Variants in JAG1 observed in about 807,000 individuals in gnomAD.
JAG1 encodes the protein protein jagged-1.
Under a neutral mutation model 148.7 loss-of-function variants are expected in JAG1, and 23 were observed. The observed-to-expected ratio is 0.15, with a 90% CI of 0.11 to 0.22. The LOEUF (loss-of-function observed/expected upper bound fraction) is 0.22, where lower values mean the gene tolerates loss of function less well. Ranked by LOEUF, JAG1 falls within the 10% of genes least tolerant of loss-of-function variation. The pLI, the probability that JAG1 is intolerant of heterozygous loss-of-function variation, is 1.00. For synonymous variants in JAG1, 572 were observed against 598.3 expected (o/e 0.96, Z 0.64); for missense variants, 1,054 against 1,611.2 (o/e 0.65, Z 5.92).
Position 10,639,829 on chromosome 20 carries a change from T to G in JAG1, c.3326A>C (p.Asp1109Ala). Residue 1109 changes from aspartate to alanine, a missense_variant, in exon 26 of 26, where the codon GAC becomes GCC. Around this residue, in one of 6 missense-constraint regions of JAG1, gnomAD observed 177 missense variants for 177.3 expected, o/e 1.00. Coordinates refer to ENST00000254958, the MANE Select transcript of JAG1 (RefSeq NM_000214.3). ...PGSHTHSASE[D>A]NTTNNVREQL... Reference sequence around the variant, plus strand: ...CTCCCGCACGTTGTTGGTGGTGTTGTCCTCAGAGGCTGAGTGTGTGTGGCT... The same window carrying G: ...CTCCCGCACGTTGTTGGTGGTGTTGGCCTCAGAGGCTGAGTGTGTGTGGCT... The G allele has an allele frequency of 6.2e-7, 1 of 1,614,204 alleles. No individual in the cohort carries two copies. The highest frequency in any genetic ancestry group is 8.5e-7 in the Non-Finnish European group (1 of 1,180,036).
intron 3 of JAG1, chr20:10,662,104 C>G (rs2067421165): frequency 6.6e-6 from 1 of 152,234 alleles, no homozygotes; most frequent in Admixed American, 6.5e-5. Context: ...GTGGAGAAAC[C>G]ATTTCCACCA....
chr20:10,659,473 T>C (rs2067400238), intron 3 of JAG1, among the ~76,000 whole-genome samples: 1 of 152,096 alleles, frequency 6.6e-6, no homozygotes, highest in Non-Finnish European at 1.5e-5. Context: ...CAATCATTTC[T>C]GGTTTTAGGG....
At chr20:10,646,435 G>A (rs1014751741) in intron 14 of JAG1, 3 of 373,418 alleles carry the variant, frequency 8.0e-6, no homozygotes, top group East Asian at 6.7e-5. Context: ...AATTGAACAC[G>A]ACCTCAGTCT....
chr20:10,664,602 G>C (rs1054675401), intron 2 of JAG1, among the ~76,000 whole-genome samples: 1 of 152,124 alleles, frequency 6.6e-6, no homozygotes, highest in Admixed American at 6.5e-5. Context: ...GAAACAGGAG[G>C]GGGTAGATGC....
rs753524030 is a variant in JAG1, at chr20:10,647,118, T to C, written c.1721-15A>G. ...GCTGTCAATCACTAGAAGATAGGCTTGGGATCAGATCACAGCCATGCACCC... is the reference window on the plus strand; with the variant it reads ...GCTGTCAATCACTAGAAGATAGGCTCGGGATCAGATCACAGCCATGCACCC... On this transcript the variant is annotated splice_polypyrimidine_tract_variant and intron_variant, in intron 13 of 25. Coordinates refer to ENST00000254958, the MANE Select transcript of JAG1 (RefSeq NM_000214.3). 3.1e-6 allele frequency: 5 copies of C among 1,614,058 alleles called. No individual in the cohort carries two copies. The highest frequency in any genetic ancestry group is 3.4e-6 in the Non-Finnish European group (4 of 1,179,990).
At position 10,647,145 on chromosome 20, in the gene JAG1, C is replaced by G. The variant is rs776351167; in HGVS notation, c.1721-42G>C. On this transcript the variant is annotated intron_variant, in intron 13 of 25. Coordinates refer to ENST00000254958, the MANE Select transcript of JAG1 (RefSeq NM_000214.3). ...GGATCAGATCACAGCCATGCACCCA[C>G]AGATGCGGCATTCCTAAGCCAAGGG... is the stretch of plus-strand genomic sequence containing the variant. 3.1e-6 allele frequency: 5 copies of G among 1,612,256 alleles called. No individual in the cohort carries two copies. The South Asian group carries it at 4.4e-5, about 14-fold the overall frequency.
intron 2 of JAG1, among the ~76,000 whole-genome samples, chr20:10,667,303 A>G (rs3790163): frequency 0.83 from 126,124 of 152,206 alleles, 52,325 homozygotes; most frequent in Middle Eastern, 0.91. Flanking sequence ...GTCGGCTCCC[A>G]GGGTTCGTCA....
At chr20:10,641,733 C>T (rs1568792200) in intron 22 of JAG1, 40 bp from the exon 23 acceptor site, 3 of 1,610,008 alleles carry the variant, frequency 1.9e-6, no homozygotes, top group Non-Finnish European at 2.6e-6. Flanking sequence ...CAGGCATGCT[C>T]ATCCCTGATT....
At position 10,643,843 on chromosome 20, in the gene JAG1, A is replaced by T. The variant is rs1308346607; in HGVS notation, c.2393T>A (p.Val798Glu). 39 of 1,614,018 alleles carry T rather than the reference A, an allele frequency of 2.4e-5. 1 individual carries two copies. Among genetic ancestry groups the T allele is most frequent in the Middle Eastern group, 1.6e-4 (1 of 6,084 alleles). ...GCACCGGTACCAGTTGTCTCCATCC[A>T]CACAGGTGCCGCTGTTGTAACTAAG... Reference protein sequence around the residue: ...PHPCYNSGTCVDGDNWYRCEC... With the variant: ...PHPCYNSGTCEDGDNWYRCEC... Residue 798 changes from valine (V) to glutamate (E), a missense_variant, in exon 20 of 26, where the codon GTG becomes GAG. Physicochemically the swap from Val to Glu is moderately radical, Grantham distance 121 (BLOSUM62 -2). Coordinates refer to ENST00000254958, the MANE Select transcript of JAG1 (RefSeq NM_000214.3).
intron 25 of JAG1, among the ~76,000 whole-genome samples, chr20:10,640,160 T>C (rs1176852727): frequency 6.6e-6 from 1 of 152,234 alleles, no homozygotes. Flanking sequence ...TAGACCTTGA[T>C]ACTCTTATCC....
At position 10,673,378 on chromosome 20, in the gene JAG1, G is replaced by A. The variant is rs1032816449; in HGVS notation, c.81+72C>T. The A allele has an allele frequency of 1.7e-6, 2 of 1,168,714 alleles. No homozygotes were observed. The highest frequency in any genetic ancestry group is 2.8e-5 in the East Asian group (1 of 35,902). The allele number at this position is 1,168,714 out of a possible 1,614,324, so 72.4% of individuals were successfully genotyped here. A position where few individuals can be genotyped will look rare whatever the true frequency, so the allele number is the denominator to read the frequency against. On this transcript the variant is annotated intron_variant, in intron 1 of 25. Coordinates refer to ENST00000254958, the MANE Select transcript of JAG1 (RefSeq NM_000214.3). The surrounding 1 kb of genome is among the most constrained non-coding windows in gnomAD (Gnocchi z 4.7). ...GAGGGCTGCCGAGCCTGCTCGCGGGGCTCAACCGCCCAGGGCGCCGCGAGG... is the reference window on the plus strand; with the variant it reads ...GAGGGCTGCCGAGCCTGCTCGCGGGACTCAACCGCCCAGGGCGCCGCGAGG...
rs1158155618 is a variant in JAG1, at chr20:10,673,986, C to G, written c.-456G>C. ...CCCGCCCGGCTCTCGGAGAAGGACC[C>G]GGAGAGCCCGTCTGGCAGCAGCGGC... On this transcript the variant is annotated 5_prime_UTR_variant, in exon 1 of 26. Transcript: ENST00000254958. This position sits in a 1 kb window ranked among gnomAD's most constrained non-coding sequence, Gnocchi z 4.7. 3.9e-5 allele frequency: 6 copies of G among 152,222 alleles called. No individual in the cohort carries two copies. Among genetic ancestry groups the G allele is most frequent in the East Asian group, 1.9e-4 (1 of 5,152 alleles). The allele number at this position is 152,222 out of a possible 1,614,324, so 9.4% of individuals were successfully genotyped here.
intron 5 of JAG1, among the ~76,000 whole-genome samples, chr20:10,655,514 C>T (rs914433150): frequency 6.6e-6 from 1 of 152,084 alleles, no homozygotes; most frequent in Non-Finnish European, 1.5e-5. Flanking sequence ...TCAGGACCTG[C>T]GTTTTAATAA....
At position 10,645,746 on chromosome 20, in the gene JAG1, T is replaced by G. The variant is rs2067304482; in HGVS notation, c.1999+225A>C. On this transcript the variant is annotated intron_variant, in intron 15 of 25. Transcript: ENST00000254958. This position sits in a 1 kb window ranked among gnomAD's most constrained non-coding sequence, Gnocchi z 6.1. ...CTTTCCTTGCAAGCAGGAATATTTA[T>G]TACACAGTCTAATTCTATAGGTCCT... 3.2e-6 allele frequency: 2 copies of G among 618,530 alleles called. No homozygotes were observed. The highest frequency in any genetic ancestry group is 5.5e-5 in the East Asian group (2 of 36,694). The allele number at this position is 618,530 out of a possible 1,614,324, so 38.3% of individuals were successfully genotyped here. A position where few individuals can be genotyped will look rare whatever the true frequency, so the allele number is the denominator to read the frequency against.
At chr20:10,642,353 G>A (rs2067278252) in intron 21 of JAG1, 135 bp downstream of exon 21, 7 of 699,576 alleles carry the variant, frequency 1.0e-5, no homozygotes, top group East Asian at 2.7e-5. Context: ...GACTCTTCAC[G>A]TTCCCTTTCC....
intron 3 of JAG1, among the ~76,000 whole-genome samples, chr20:10,662,997 C>A (rs1016486466): frequency 1.3e-5 from 2 of 151,928 alleles, no homozygotes; most frequent in Admixed American, 6.6e-5. Context: ...CAAGCCCTCA[C>A]TGCACCCACG....
At chr20:10,656,056 A>T (rs2067376758) in intron 5 of JAG1, among the ~76,000 whole-genome samples, 1 of 152,222 alleles carries the variant, frequency 6.6e-6, no homozygotes, top group Admixed American at 6.5e-5. Context: ...TTGGTGGAAG[A>T]GGAGAGAGAC....
Position 10,645,855 on chromosome 20 carries a change from C to A in JAG1, c.1999+116G>T. 1 of 798,900 alleles carries A rather than the reference C, an allele frequency of 1.3e-6. No individual in the cohort carries two copies. The highest frequency in any genetic ancestry group is 1.4e-5 in the South Asian group (1 of 73,828). The allele number at this position is 798,900 out of a possible 1,614,324, so 49.5% of individuals were successfully genotyped here. On this transcript the variant is annotated intron_variant, in intron 15 of 25. Transcript: ENST00000254958. This position sits in a 1 kb window ranked among gnomAD's most constrained non-coding sequence, Gnocchi z 6.1. ...AGTGATACTGTCCCAGTGCAGAAAT[C>A]ACTGCGGTCTTGCTTCCAGAGATTT...
chr20:10,651,606 G>A lies in JAG1; in HGVS notation c.1095C>T (p.Gly365=). 3 of 1,613,422 alleles carry A rather than the reference G, an allele frequency of 1.9e-6. No individual in the cohort carries two copies. The South Asian group carries it at 3.3e-5, about 18-fold the overall frequency. Residue 365 remains glycine, a synonymous_variant, in exon 8 of 26, where the codon GGC becomes GGT. Coordinates refer to ENST00000254958, the MANE Select transcript of JAG1 (RefSeq NM_000214.3). ...SLGFECECSP[G]WTGPTCSTNI... is the part of the protein sequence containing the mutation. ...TTGTAGAGCATGTGGGGCCGGTCCAGCCTGGGGAACACTCACACTCAAAGC... is the reference window on the plus strand; with the variant it reads ...TTGTAGAGCATGTGGGGCCGGTCCAACCTGGGGAACACTCACACTCAAAGC...
Sources: gnomAD v4.1 joint callset for allele counts (sites outside exome capture counted in the v4.1 genomes callset) on GRCh38, gnomAD v4.1.1 for gene constraint, gnomAD v4.1.1 regional missense constraint, Gnocchi (gnomAD v3.1) non-coding constraint, MANE v1.5 for transcripts, NCBI Gene and HGNC (gene_info 2026-07-23, HGNC 2026-07-21) for gene names.